COX4I1: variants seen among roughly 807,000 people sequenced by gnomAD.
COX4I1 encodes the protein cytochrome c oxidase subunit 4 isoform 1, mitochondrial.
In COX4I1, 18 loss-of-function variants were observed where a neutral mutation model predicts 21.7. The ratio of observed to expected loss-of-function variants is 0.83; its 90% confidence interval spans 0.57 to 1.23. The LOEUF (loss-of-function observed/expected upper bound fraction) is 1.23, where lower values mean the gene tolerates loss of function less well. Ranked by LOEUF, COX4I1 falls within the 50% of genes most tolerant of loss-of-function variation. The pLI, the probability that COX4I1 is intolerant of heterozygous loss-of-function variation, is 0.00. For missense variants in COX4I1, 238 were observed against 220.7 expected (o/e 1.08, Z -0.50); for synonymous variants, 100 against 81.5 (o/e 1.23, Z -1.23).
At position 85,800,976 on chromosome 16, in the gene COX4I1, A is replaced by T. The variant is rs77799470; in HGVS notation, c.-1-229A>T. 7.3e-3 allele frequency among the ~76,000 whole-genome samples: 1,112 copies of T among 152,286 alleles called. 16 individuals are homozygous for T. The highest frequency in any genetic ancestry group is 0.025 in the African/African-American group (1,038 of 41,550). On this transcript the variant is annotated intron_variant, in intron 1 of 4. Transcript: ENST00000253452. ...GTTCTGTTAATTACCTGAAGCGCGT[A>T]TATATTATGGCAGTTGATTTATAAT...
Position 85,805,091 on chromosome 16 carries a change from T to G in COX4I1, c.228T>G (p.Asp76Glu). The change falls in exon 3 of 5, where the codon GAT (aspartate) becomes GAG (glutamate). Residue 76 changes from aspartate (D) to glutamate (E), a missense_variant. Coordinates refer to ENST00000253452, the MANE Select transcript of COX4I1 (RefSeq NM_001861.6). ...EKASWSSLSMDEKVELYRIKF... is the reference protein window; with the variant it reads ...EKASWSSLSMEEKVELYRIKF... Reference sequence around the variant, plus strand: ...CCTCCTGGAGCAGCCTCTCCATGGATGAGAAAGTCGAGTGTGGGTATTGAA... The same window carrying G: ...CCTCCTGGAGCAGCCTCTCCATGGAGGAGAAAGTCGAGTGTGGGTATTGAA... 1 of 1,612,072 alleles carries G rather than the reference T, an allele frequency of 6.2e-7. No individual in the cohort carries two copies. Among genetic ancestry groups the G allele is most frequent in the African/African-American group, 1.3e-5 (1 of 74,860 alleles).
In COX4I1 at chr16:85,804,926, A is replaced by G. The variant is rs2733965; in HGVS notation, c.74-11A>G. ...ATGGATTTTCAAAGATTTATTCAAT[A>G]TGTTTTTCAGAAAGTGTTGTGAAGA... On this transcript the variant is annotated splice_polypyrimidine_tract_variant and intron_variant, in intron 2 of 4. Coordinates refer to ENST00000253452, the MANE Select transcript of COX4I1 (RefSeq NM_001861.6). 1,588,103 of 1,595,606 alleles carry G rather than the reference A, an allele frequency of 1. 790,596 individuals are homozygous for G. The highest frequency in any genetic ancestry group is 1 in the East Asian group (44,690 of 44,690).
At chr16:85,804,899 A>G (rs754932066) in intron 2 of COX4I1, 38 bp from the exon 3 acceptor site, 14 of 1,571,614 alleles carry the variant, frequency 8.9e-6, no homozygotes, top group Non-Finnish European at 1.1e-5. Context: ...CTCTCAACTT[A>G]CATGGATTTT....
At position 85,801,246 on chromosome 16, in the gene COX4I1, C is replaced by A; in HGVS notation, c.41C>A (p.Ala14Glu). The A allele has an allele frequency of 6.2e-7, 1 of 1,610,082 alleles. No individual in the cohort carries two copies. ...GTATTTAGCCTAGTTGGCAAGCGAG[C>A]AATTTCCACCTCTGTGTGTGTACGA... is the stretch of plus-strand genomic sequence containing the variant. Reference protein sequence around the residue: ...TRVFSLVGKRAISTSVCVRAH... With the variant: ...TRVFSLVGKREISTSVCVRAH... Residue 14 changes from alanine to glutamate, a missense_variant, in exon 2 of 5, where the codon GCA becomes GAA. Ala to Glu is a moderately radical substitution (Grantham distance 107, BLOSUM62 -1). Coordinates refer to ENST00000253452, the MANE Select transcript of COX4I1 (RefSeq NM_001861.6).
chr16:85,806,149 C>T (rs1906181636), intron 4 of COX4I1: 1 of 585,222 alleles, frequency 1.7e-6, no homozygotes, highest in Non-Finnish European at 3.0e-6. Context: ...AATTTATGTG[C>T]TCACCAGTCA....
At position 85,801,178 on chromosome 16, in the gene COX4I1, G is replaced by C. The variant is rs774033649; in HGVS notation, c.-1-27G>C. ...TCCTTGCTGTTTGTCCTTATTCATA[G>C]AGAAGGTGTACATTTTTATCTTTCA... is the stretch of plus-strand genomic sequence containing the variant. On this transcript the variant is annotated intron_variant, in intron 1 of 4. Transcript: ENST00000253452. 1.3e-5 allele frequency: 20 copies of C among 1,580,126 alleles called. No individual in the cohort carries two copies. In the South Asian group the frequency reaches 2.0e-4, roughly 16 times the overall value.
chr16:85,803,626 A>C (rs1905935056), intron 2 of COX4I1: 1 of 152,186 alleles, frequency 6.6e-6, no homozygotes, highest in African/African-American at 2.4e-5. Flanking sequence ...TGCTGCTTTG[A>C]AGGCACTAAA....
intron 3 of COX4I1, 64 bp downstream of exon 3, chr16:85,805,168 C>A: frequency 6.7e-7 from 1 of 1,501,858 alleles, no homozygotes; most frequent in Non-Finnish European, 8.9e-7. Context: ...GTGACAGAGC[C>A]TCTGCTCACT....
Position 85,804,978 on chromosome 16 carries a change from A to T in COX4I1, c.115A>T (p.Met39Leu), listed in dbSNP as rs780684895. Reference sequence around the variant, plus strand: ...CGAAGACTTTTCGCTCCCAGCTTATATGGATCGGCGTGACCACCCCTTGCC... The same window carrying T: ...CGAAGACTTTTCGCTCCCAGCTTATTTGGATCGGCGTGACCACCCCTTGCC... ...KSEDFSLPAY[M>L]DRRDHPLPEV... The change falls in exon 3 of 5, where the codon ATG becomes TTG. Residue 39 changes from methionine (M) to leucine (L), a missense_variant. Met to Leu is a conservative substitution (Grantham distance 15, BLOSUM62 2). Transcript: ENST00000253452. 10 of 1,613,962 alleles carry T rather than the reference A, an allele frequency of 6.2e-6. No homozygotes were observed. The highest frequency in any genetic ancestry group is 8.5e-6 in the Non-Finnish European group (10 of 1,179,982).
chr16:85,804,749 T>C (rs989616364), intron 2 of COX4I1, 188 bp from the exon 3 acceptor site: 4 of 536,388 alleles, frequency 7.5e-6, no homozygotes, highest in Non-Finnish European at 1.3e-5. Context: ...TTGTTGGCTG[T>C]GATGAGAAGT....
chr16:85,804,987 C>G lies in COX4I1; in HGVS notation c.124C>G (p.Arg42Gly), dbSNP rs772561167. ...TTCGCTCCCAGCTTATATGGATCGG[C>G]GTGACCACCCCTTGCCGGAGGTGGC... is the stretch of plus-strand genomic sequence containing the variant. ...DFSLPAYMDR[R>G]DHPLPEVAHV... Residue 42 changes from arginine (R) to glycine (G), a missense_variant, in exon 3 of 5, where the codon CGT becomes GGT. Coordinates refer to ENST00000253452, the MANE Select transcript of COX4I1 (RefSeq NM_001861.6). 6.2e-7 allele frequency: 1 copy of G among 1,614,116 alleles called. No homozygotes were observed. Among genetic ancestry groups the G allele is most frequent in the South Asian group, 1.1e-5 (1 of 91,070 alleles).
intron 2 of COX4I1, 23 bp from the exon 3 acceptor site, chr16:85,804,914 G>T: frequency 6.3e-7 from 1 of 1,590,390 alleles, no homozygotes; most frequent in Non-Finnish European, 8.6e-7. Context: ...GATTTTCAAA[G>T]ATTTATTCAA....
At chr16:85,801,808 T>G (rs749325080) in intron 2 of COX4I1, among the ~76,000 whole-genome samples, 7 of 152,076 alleles carry the variant, frequency 4.6e-5, no homozygotes, top group Non-Finnish European at 8.8e-5. Flanking sequence ...CACATTTACT[T>G]TTGCATGTAT....
chr16:85,801,036 A>G lies in COX4I1; in HGVS notation c.-1-169A>G, dbSNP rs1469091518. The G allele has an allele frequency of 9.2e-6, 5 of 543,098 alleles. No homozygotes were observed. In the African/African-American group the frequency reaches 9.3e-5, roughly 10 times the overall value. 33.6% of individuals were successfully genotyped at this position (543,098 alleles called of 1,614,324 possible). ...TAAAAGCATGCCAATTACTAAGAAA[A>G]ACCTCATCCTAGGTCATTTTGTGAA... is the stretch of plus-strand genomic sequence containing the variant. On this transcript the variant is annotated intron_variant, in intron 1 of 4. Coordinates refer to ENST00000253452, the MANE Select transcript of COX4I1 (RefSeq NM_001861.6).
chr16:85,805,095 A>G lies in COX4I1; in HGVS notation c.232A>G (p.Lys78Glu). The G allele has an allele frequency of 2.5e-6, 4 of 1,612,158 alleles. No homozygotes were observed. The highest frequency in any genetic ancestry group is 3.4e-6 in the Non-Finnish European group (4 of 1,179,302). Residue 78 changes from lysine to glutamate, a missense_variant, in exon 3 of 5, where the codon AAA becomes GAA. Transcript: ENST00000253452. Reference sequence around the variant, plus strand: ...CTGGAGCAGCCTCTCCATGGATGAGAAAGTCGAGTGTGGGTATTGAAGGGA... The same window carrying G: ...CTGGAGCAGCCTCTCCATGGATGAGGAAGTCGAGTGTGGGTATTGAAGGGA... Reference protein sequence around the residue: ...ASWSSLSMDEKVELYRIKFKE... With the variant: ...ASWSSLSMDEEVELYRIKFKE...
intron 1 of COX4I1, among the ~76,000 whole-genome samples, chr16:85,800,750 A>G (rs1469577807): frequency 3.3e-5 from 5 of 151,968 alleles, no homozygotes; most frequent in Admixed American, 3.3e-4. Context: ...CAGCCTCCCA[A>G]GTAGCGGGGA....
At chr16:85,804,419 C>G (rs1245248805) in intron 2 of COX4I1, 1 of 152,620 alleles carries the variant, frequency 6.6e-6, no homozygotes, top group Admixed American at 6.5e-5. Context: ...TGCAGCGGTG[C>G]GATCTCAGCT....
At chr16:85,800,919 C>T (rs919324974) in intron 1 of COX4I1, among the ~76,000 whole-genome samples, 1 of 152,178 alleles carries the variant, frequency 6.6e-6, no homozygotes, top group East Asian at 1.9e-4. Context: ...CCACCGCGCC[C>T]GGCCTCTCCT....
In COX4I1 at chr16:85,806,628, C is replaced by G. The variant is rs1185676119; in HGVS notation, c.374-110C>G. 2.5e-5 allele frequency: 39 copies of G among 1,542,488 alleles called. No homozygotes were observed. The Admixed American group carries it at 6.3e-4, about 25-fold the overall frequency. On this transcript the variant is annotated intron_variant, in intron 4 of 4. Coordinates refer to ENST00000253452, the MANE Select transcript of COX4I1 (RefSeq NM_001861.6). ...TGAGCGGGTGTTGAGTGGCAGGTGG[C>G]TCTGCTGACCTGGTGGCTGGTGTGT...
Sources: allele counts gnomAD v4.1 joint callset (sites outside exome capture counted in the v4.1 genomes callset), GRCh38; gene constraint gnomAD v4.1.1; transcripts MANE v1.5; gene names NCBI Gene and HGNC (gene_info 2026-07-23, HGNC 2026-07-21).